MIA: variants seen among roughly 807,000 people sequenced by gnomAD.
MIA encodes the protein melanoma-derived growth regulatory protein.
MIA carries 18 observed loss-of-function variants against 18.5 expected under a neutral mutation model. The observed-to-expected ratio is 0.97, with a 90% confidence interval of 0.67 to 1.44. The LOEUF (loss-of-function observed/expected upper bound fraction) is 1.44. Among genes scored for constraint, MIA ranks in the 40% most tolerant of loss-of-function variants. MIA has a pLI of 0.00. For synonymous variants in MIA, 55 were observed against 64.9 expected (o/e 0.85, Z 0.74); for missense variants, 158 against 172.4 (o/e 0.92, Z 0.47).
chr19:40,775,648 T>G lies in MIA; in HGVS notation c.106T>G (p.Cys36Gly). The change falls in exon 1 of 4, where the codon TGT (cysteine) becomes GGT (glycine). Residue 36 changes from cysteine (C) to glycine (G), a missense_variant. By Grantham distance (159) the Cys-to-Gly change is radical (BLOSUM62 -3). Coordinates refer to ENST00000263369, the MANE Select transcript of MIA (RefSeq NM_006533.4). ...PMPKLADRKL[C>G]ADQECSHPIS... ...GCCCAAGCTGGCTGACCGGAAGCTG[T>G]GTGCGGACCAGGAGTGCAGCCGTAA... 1 of 1,614,122 alleles carries G rather than the reference T, an allele frequency of 6.2e-7. No individual in the cohort carries two copies.
At chr19:40,775,389 T>C, upstream of MIA, 2 of 1,170,106 alleles carry the variant, frequency 1.7e-6, no homozygotes, top group African/African-American at 1.5e-5. Context: ...TCTGGTTTCA[T>C]AGCAACTTCT....
intron 2 of MIA, 80 bp from the exon 3 acceptor site, chr19:40,776,889 A>G: frequency 1.1e-6 from 1 of 900,366 alleles, no homozygotes; most frequent in South Asian, 1.5e-5. Context: ...GAGATCAGGG[A>G]GAAGGGAGAA....
rs182203778 is a variant in MIA at position 40,777,076 on chromosome 19, A to T, written c.369A>T (p.Thr123=). ...TLKPGKVDVK[T]DKWDFYCQ ...AACCTGGCAAAGTCGATGTGAAGAC[A>T]GACGTGAGTGTCATGGGGGCTGGCA... Residue 123 remains threonine (T), a synonymous_variant, in exon 3 of 4, where the codon ACA becomes ACT. Coordinates refer to ENST00000263369, the MANE Select transcript of MIA (RefSeq NM_006533.4). 13 of 1,611,318 alleles carry T rather than the reference A, an allele frequency of 8.1e-6. No individual in the cohort carries two copies. In the East Asian group the frequency reaches 2.9e-4, roughly 36 times the overall value.
rs1210567219 is a variant in MIA at position 40,775,806 on chromosome 19, T to A, written c.182T>A (p.Phe61Tyr). Reference protein sequence around the residue: ...LQDYMAPDCRFLTIHRGQVVY... With the variant: ...LQDYMAPDCRYLTIHRGQVVY... Reference sequence around the variant, plus strand: ...GACTACATGGCCCCCGACTGCCGATTCCTGACCATTCACCGGGGCCAAGTG... The same window carrying A: ...GACTACATGGCCCCCGACTGCCGATACCTGACCATTCACCGGGGCCAAGTG... The change falls in exon 2 of 4, where the codon TTC becomes TAC. Residue 61 changes from phenylalanine to tyrosine, a missense_variant. Phe to Tyr is a conservative substitution (Grantham distance 22, BLOSUM62 3). Coordinates refer to ENST00000263369, the MANE Select transcript of MIA (RefSeq NM_006533.4). 1 of 1,614,138 alleles carries A rather than the reference T, an allele frequency of 6.2e-7. No individual in the cohort carries two copies. The highest frequency in any genetic ancestry group is 1.3e-5 in the African/African-American group (1 of 75,020).
chr19:40,775,324 A>C, upstream of MIA: 1 of 653,294 alleles, frequency 1.5e-6, no homozygotes, highest in Admixed American at 3.0e-5. Flanking sequence ...GCTGCTTTGG[A>C]CCTTATCTGG....
rs766867753 is a variant in MIA, at chr19:40,777,455, C to T, written c.*35C>T. The T allele has an allele frequency of 6.4e-7, 1 of 1,571,370 alleles. No homozygotes were observed. Among genetic ancestry groups the T allele is most frequent in the South Asian group, 1.1e-5 (1 of 90,502 alleles). ...ACCGCTGGCCCTGCCGTTTCCCCTCCTTGGCTTTATGCAAATACAATCAGC... is the reference window on the plus strand; with the variant it reads ...ACCGCTGGCCCTGCCGTTTCCCCTCTTTGGCTTTATGCAAATACAATCAGC... On this transcript the variant is annotated 3_prime_UTR_variant, in exon 4 of 4. Transcript: ENST00000263369.
At chr19:40,775,974 T>G in intron 2 of MIA, 89 bp downstream of exon 2, 1 of 1,460,924 alleles carries the variant, frequency 6.8e-7, no homozygotes, top group Non-Finnish European at 9.3e-7. Flanking sequence ...GGGGGTGAAC[T>G]GAAATAGACA....
chr19:40,775,905 AAG>A lies in MIA; in HGVS notation c.261+23_261+24del, dbSNP rs747366993. 2 of 1,613,386 alleles carry A rather than the reference AAG, an allele frequency of 1.2e-6. No homozygotes were observed. Among genetic ancestry groups the A allele is most frequent in the African/African-American group, 2.7e-5 (2 of 74,820 alleles). ...GGCAGCGTGAGTCTTGGGAGAGTGA[AAG>A]AGGGAAGGGTACAGAGCTGGGGTAG... On this transcript the variant is annotated intron_variant, in intron 2 of 3. Transcript: ENST00000263369.
chr19:40,776,690 C>T (rs917739080), intron 2 of MIA: 11 of 272,090 alleles, frequency 4.0e-5, no homozygotes, highest in Non-Finnish European at 7.1e-5. Context: ...TGCAGTGAGC[C>T]GTGATCATGC....
At position 40,777,064 on chromosome 19, in the gene MIA, C is replaced by A; in HGVS notation, c.357C>A (p.Val119=). Residue 119 remains valine (V), a synonymous_variant, in exon 3 of 4, where the codon GTC becomes GTA. Transcript: ENST00000263369. ...ACCAGACCCTGAAACCTGGCAAAGT[C>A]GATGTGAAGACAGACGTGAGTGTCA... is the stretch of plus-strand genomic sequence containing the variant. The part of the protein sequence containing the change: ...REDQTLKPGK[V]DVKTDKWDFY... 1 of 1,612,400 alleles carries A rather than the reference C, an allele frequency of 6.2e-7. No homozygotes were observed. Among genetic ancestry groups the A allele is most frequent in the South Asian group, 1.1e-5 (1 of 90,820 alleles).
Position 40,775,757 on chromosome 19 carries a change from A to G in MIA, c.133A>G (p.Ile45Val). Reference protein sequence around the residue: ...LCADQECSHPISMAVALQDYM... With the variant: ...LCADQECSHPVSMAVALQDYM... ...CCCTTCTATTCCTTCCCTAGACCCT[A>G]TCTCCATGGCTGTGGCCCTTCAGGA... The change falls in exon 2 of 4, where the codon ATC becomes GTC. Residue 45 changes from isoleucine (I) to valine (V), a missense_variant. Ile to Val is a conservative substitution (Grantham distance 29). Coordinates refer to ENST00000263369, the MANE Select transcript of MIA (RefSeq NM_006533.4). The G allele has an allele frequency of 6.2e-7, 1 of 1,614,016 alleles. No homozygotes were observed. The highest frequency in any genetic ancestry group is 8.5e-7 in the Non-Finnish European group (1 of 1,180,004).
intron 3 of MIA, 62 bp from the exon 4 acceptor site, chr19:40,777,335 C>G: frequency 6.3e-7 from 1 of 1,593,144 alleles, no homozygotes; most frequent in Non-Finnish European, 8.6e-7. Context: ...GCTAAAACCA[C>G]TAGATCCTTT....
At position 40,775,633 on chromosome 19, in the gene MIA, G is replaced by A. The variant is rs755857387; in HGVS notation, c.91G>A (p.Ala31Thr). 1.3e-5 allele frequency: 21 copies of A among 1,614,158 alleles called. No homozygotes were observed. In the South Asian group the frequency reaches 2.3e-4, roughly 18 times the overall value. Residue 31 changes from alanine (A) to threonine (T), a missense_variant, in exon 1 of 4, where the codon GCT (alanine) becomes ACT (threonine). By Grantham distance (58) the Ala-to-Thr change is moderately conservative (BLOSUM62 0). Transcript: ENST00000263369. ...GVRGGPMPKL[A>T]DRKLCADQEC... ...CAGGGGTGGTCCTATGCCCAAGCTG[G>A]CTGACCGGAAGCTGTGTGCGGACCA...
In MIA at chr19:40,775,777, TC is replaced by T; in HGVS notation, c.154del (p.Gln52ArgfsTer11). The T allele has an allele frequency of 6.2e-7, 1 of 1,614,138 alleles. No individual in the cohort carries two copies. The highest frequency in any genetic ancestry group is 8.5e-7 in the Non-Finnish European group (1 of 1,180,030). ...ACCCTATCTCCATGGCTGTGGCCCT[TC>T]AGGACTACATGGCCCCCGACTGCCG... ...SHPISMAVAL[Q>X]DYMAPDCRFL... On this transcript the variant is annotated frameshift_variant, in exon 2 of 4. Transcript: ENST00000263369. LOFTEE classifies it high-confidence loss of function.
chr19:40,775,635 T>A lies in MIA; in HGVS notation c.93T>A (p.Ala31=). ...GGGGTGGTCCTATGCCCAAGCTGGC[T>A]GACCGGAAGCTGTGTGCGGACCAGG... ...GVRGGPMPKL[A]DRKLCADQEC... Residue 31 remains alanine, a synonymous_variant, in exon 1 of 4, where the codon GCT becomes GCA. Transcript: ENST00000263369. 1 of 1,614,154 alleles carries A rather than the reference T, an allele frequency of 6.2e-7. No individual in the cohort carries two copies. The highest frequency in any genetic ancestry group is 8.5e-7 in the Non-Finnish European group (1 of 1,180,024).
chr19:40,775,894 TG>T lies in MIA; in HGVS notation c.261+12del, dbSNP rs778453963. 3.7e-6 allele frequency: 6 copies of T among 1,613,408 alleles called. No individual in the cohort carries two copies. Among genetic ancestry groups the T allele is most frequent in the Admixed American group, 1.7e-5 (1 of 59,964 alleles). On this transcript the variant is annotated intron_variant, in intron 2 of 3. Transcript: ENST00000263369. The stretch of plus-strand genomic sequence containing the variant: ...TCTTCTGGGGAGGCAGCGTGAGTCT[TG>T]GGAGAGTGAAAGAGGGAAGGGTACA...
intron 3 of MIA, 129 bp downstream of exon 3, chr19:40,777,208 C>T: frequency 9.2e-7 from 1 of 1,090,512 alleles, no homozygotes; most frequent in South Asian, 1.3e-5. Flanking sequence ...TCTTTCCCTG[C>T]CTCAATTTTC....
Position 40,775,550 on chromosome 19 carries a change from G to A in MIA, c.8G>A (p.Arg3Gln), listed in dbSNP as rs779009050. 2.5e-5 allele frequency: 41 copies of A among 1,613,966 alleles called. 1 individual carries two copies. The Admixed American group carries it at 4.3e-4, about 17-fold the overall frequency. Reference protein sequence around the residue: MARSLVCLGVIIL... With the variant: MAQSLVCLGVIIL... ...TCTTGCTCACAGTCCACGATGGCCC[G>A]GTCCCTGGTGTGCCTTGGTGTCATC... Residue 3 changes from arginine to glutamine, a missense_variant, in exon 1 of 4, where the codon CGG becomes CAG. Transcript: ENST00000263369.
chr19:40,776,930 C>A, intron 2 of MIA, 39 bp from the exon 3 acceptor site: 1 of 1,470,720 alleles, frequency 6.8e-7, no homozygotes, highest in South Asian at 1.2e-5. Context: ...ACAAGCTTGC[C>A]ATCTTCCCAG....
Sources: gnomAD v4.1 joint callset for allele counts on GRCh38, gnomAD v4.1.1 for gene constraint, MANE v1.5 for transcripts, NCBI Gene and HGNC (gene_info 2026-07-23, HGNC 2026-07-21) for gene names.